MALRD1: variants seen among roughly 807,000 people sequenced by gnomAD.
MALRD1 encodes the protein MAM and LDL-receptor class A domain-containing protein 1.
A neutral mutation model predicts 242.1 loss-of-function variants in MALRD1; 247 were observed. The observed-to-expected ratio is 1.02, with a 90% CI of 0.92 to 1.13. The LOEUF is 1.13. Ranked by LOEUF, MALRD1 falls within the 50% of genes most tolerant of loss-of-function variation. The pLI, the probability that MALRD1 is intolerant of heterozygous loss-of-function variation, is 0.00. For synonymous variants in MALRD1, 995 were observed against 866.6 expected (o/e 1.15, Z -2.60); for missense variants, 2,989 against 2,533.1 (o/e 1.18, Z -3.86).
intron 26 of MALRD1, among the ~76,000 whole-genome samples, chr10:19,380,918 T>A (rs1292901160): frequency 6.6e-6 from 1 of 152,114 alleles, no homozygotes; most frequent in Non-Finnish European, 1.5e-5. Flanking sequence ...CTTTTCTTTT[T>A]TTTTTTATAC....
At chr10:19,147,411 TA>T (rs1175830617) in intron 11 of MALRD1, among the ~76,000 whole-genome samples, 1 of 152,228 alleles carries the variant, frequency 6.6e-6, no homozygotes, top group African/African-American at 2.4e-5. Flanking sequence ...AACAGTGTGG[TA>T]AGTTCTTAAT....
At chr10:19,727,125 T>C (rs901581749) in intron 38 of MALRD1, among the ~76,000 whole-genome samples, 1 of 152,216 alleles carries the variant, frequency 6.6e-6, no homozygotes, top group Non-Finnish European at 1.5e-5. Flanking sequence ...AAATTAAAAA[T>C]TAATAAAAGT....
intron 33 of MALRD1, among the ~76,000 whole-genome samples, chr10:19,578,379 TAGAA>T (rs1564454443): frequency 1.3e-5 from 2 of 152,124 alleles, no homozygotes; most frequent in Non-Finnish European, 1.5e-5. Context: ...TTGCTCAAAA[TAGAA>T]AGCATGGGAT....
rs371342074 is a variant in MALRD1, at chr10:19,068,438, G to C, written c.340+1579G>C. Among the ~76,000 whole-genome samples, 29 of 151,992 alleles carry C rather than the reference G, an allele frequency of 1.9e-4. No homozygotes were observed. The East Asian group carries it at 4.5e-3, about 23-fold the overall frequency. ...CATCTGGGTTGACTTAAAATCTCTG[G>C]AGTCAGACTAGATGGGTTTGAATCC... is the stretch of plus-strand genomic sequence containing the variant. On this transcript the variant is annotated intron_variant, in intron 2 of 39. Transcript: ENST00000454679.
rs75089131 is a variant in MALRD1, at chr10:19,720,021, A to G, written c.6315-10685A>G. Among the ~76,000 whole-genome samples, 1,179 of 152,218 alleles carry G rather than the reference A, an allele frequency of 7.7e-3. 19 individuals carry two copies. The highest frequency in any genetic ancestry group is 0.027 in the African/African-American group (1,110 of 41,538). On this transcript the variant is annotated intron_variant, in intron 38 of 39. Coordinates refer to ENST00000454679, the MANE Select transcript of MALRD1 (RefSeq NM_001142308.3). ...TTCATAGACTCAACTTATTTCTTCT[A>G]TTACCTTATGACTCTGTGCAATTTT...
intron 30 of MALRD1, among the ~76,000 whole-genome samples, chr10:19,498,113 A>G (rs1443946691): frequency 3.3e-5 from 5 of 152,212 alleles, no homozygotes; most frequent in Non-Finnish European, 7.3e-5. Context: ...ATGCTATTCA[A>G]ACATCAGAAT....
At position 19,616,590 on chromosome 10, in the gene MALRD1, T is replaced by A. The variant is rs531722042; in HGVS notation, c.6137+667T>A. The stretch of plus-strand genomic sequence containing the variant: ...TAATTGTGTTTATGCCTTTATAATT[T>A]AGCAGACCAATGGATATATCACTTT... On this transcript the variant is annotated intron_variant, in intron 36 of 39. Coordinates refer to ENST00000454679, the MANE Select transcript of MALRD1 (RefSeq NM_001142308.3). Among the ~76,000 whole-genome samples the A allele has an allele frequency of 5.9e-5, 9 of 152,158 alleles. No homozygotes were observed. In the East Asian group the frequency reaches 1.7e-3, roughly 29 times the overall value.
At chr10:19,082,823 C>T (rs1157398855) in intron 2 of MALRD1, among the ~76,000 whole-genome samples, 1 of 151,952 alleles carries the variant, frequency 6.6e-6, no homozygotes, top group African/African-American at 2.4e-5. Context: ...TCTTAGATGT[C>T]ACTGTCTTAG....
intron 31 of MALRD1, among the ~76,000 whole-genome samples, chr10:19,511,250 C>T (rs972212813): frequency 3.9e-5 from 6 of 152,112 alleles, no homozygotes; most frequent in Admixed American, 3.3e-4. Context: ...TGAGTGGTGC[C>T]GTTAAAATGC....
Position 19,450,488 on chromosome 10 carries a change from C to T in MALRD1, c.5027C>T (p.Thr1676Ile). ...IDDIEFKNCT[T>I]VGEISELCPE... Reference sequence around the variant, plus strand: ...GATATTGAATTTAAAAACTGCACAACTGGTAAGTTTCCAGAAAGCACTTCC... The same window carrying T: ...GATATTGAATTTAAAAACTGCACAATTGGTAAGTTTCCAGAAAGCACTTCC... The change falls in exon 29 of 40, where the codon ACT (threonine) becomes ATT (isoleucine). Residue 1676 changes from threonine to isoleucine, a missense_variant and splice_region_variant. By Grantham distance (89) the Thr-to-Ile change is moderately conservative (BLOSUM62 -1). Coordinates refer to ENST00000454679, the MANE Select transcript of MALRD1 (RefSeq NM_001142308.3). The T allele has an allele frequency of 1.3e-6, 2 of 1,541,780 alleles. No homozygotes were observed. The highest frequency in any genetic ancestry group is 2.5e-5 in the East Asian group (1 of 40,814).
chr10:19,314,862 G>A (rs902086998), intron 21 of MALRD1, among the ~76,000 whole-genome samples: 3 of 151,148 alleles, frequency 2.0e-5, no homozygotes, highest in Middle Eastern at 3.5e-3. Flanking sequence ...GTGAAGTGCC[G>A]GTCTCTTGAT....
chr10:19,277,112 G>C (rs1012218430), intron 19 of MALRD1, among the ~76,000 whole-genome samples: 3 of 152,034 alleles, frequency 2.0e-5, no homozygotes, highest in African/African-American at 7.2e-5. Flanking sequence ...TTTTTGTAGA[G>C]ATGAGGTTTC....
intron 13 of MALRD1, among the ~76,000 whole-genome samples, chr10:19,167,098 G>T (rs1834719021): frequency 6.6e-6 from 1 of 152,192 alleles, no homozygotes; most frequent in Non-Finnish European, 1.5e-5. Context: ...GGTGGCTCAT[G>T]CCTGTAATCC....
At chr10:19,537,834 C>T (rs929152370) in intron 32 of MALRD1, among the ~76,000 whole-genome samples, 4 of 151,984 alleles carry the variant, frequency 2.6e-5, no homozygotes, top group Non-Finnish European at 4.4e-5. Context: ...CCATCACCTT[C>T]GGGGTTAGGA....
intron 31 of MALRD1, 27 bp from the exon 32 acceptor site, chr10:19,531,167 A>T (rs1336633259): frequency 6.5e-7 from 1 of 1,529,662 alleles, no homozygotes; most frequent in African/African-American, 1.4e-5. Context: ...CATTACACTG[A>T]AAAAAATTTT....
chr10:19,086,070 A>AAATTGTGT (rs1564381624), intron 2 of MALRD1, among the ~76,000 whole-genome samples: 1 of 152,062 alleles, frequency 6.6e-6, no homozygotes. Flanking sequence ...CTCTTCATCT[A>AAATTGTGT]AATTGTGTTT....
chr10:19,062,995 A>C (rs955913799), intron 1 of MALRD1, among the ~76,000 whole-genome samples: 1 of 152,100 alleles, frequency 6.6e-6, no homozygotes, highest in Non-Finnish European at 1.5e-5. Flanking sequence ...AATGCAAAAA[A>C]TTAGCCAGGT....
intron 4 of MALRD1, among the ~76,000 whole-genome samples, chr10:19,098,157 C>T (rs924379158): frequency 1.3e-5 from 2 of 152,086 alleles, no homozygotes; most frequent in African/African-American, 2.4e-5. Flanking sequence ...TCTTGAAGGA[C>T]GCTCATGTAA....
Position 19,607,795 on chromosome 10 carries a change from A to G in MALRD1, c.5963A>G (p.Asn1988Ser), listed in dbSNP as rs540489000. 1.3e-5 allele frequency: 20 copies of G among 1,549,316 alleles called. No individual in the cohort carries two copies. In the African/African-American group the frequency reaches 1.9e-4, roughly 15 times the overall value. ...TTTGCAGCCAACAAAAGCTGTTCTA[A>G]TGGAGCTCTGGTGTGTGCCTCCTCC... ...ELICSNKSCS[N>S]GALVCASSNS... Residue 1988 changes from asparagine (N) to serine (S), a missense_variant, in exon 35 of 40, where the codon AAT becomes AGT. Asn to Ser is a conservative substitution (Grantham distance 46). Coordinates refer to ENST00000454679, the MANE Select transcript of MALRD1 (RefSeq NM_001142308.3).
Sources: allele counts gnomAD v4.1 joint callset (sites outside exome capture counted in the v4.1 genomes callset), GRCh38; gene constraint gnomAD v4.1.1; transcripts MANE v1.5; gene names NCBI Gene and HGNC (gene_info 2026-07-23, HGNC 2026-07-21).